The following TMPRSS9 variants were observed in gnomAD, a reference collection of about 807,000 sequenced individuals.
The protein encoded by TMPRSS9 is transmembrane serine protease 9, also known as transmembrane protease serine 9.
TMPRSS9 carries 113 observed loss-of-function variants against 111.4 expected under a neutral mutation model. The ratio of observed to expected loss-of-function variants is 1.01; its 90% CI spans 0.87 to 1.19. TMPRSS9 has a LOEUF of 1.19. TMPRSS9 is among the 50% of genes most tolerant of loss of function. The pLI is 0.00. For missense variants in TMPRSS9, 1,803 were observed against 1,513.1 expected, an observed-to-expected ratio of 1.19 and a Z score of -3.18; for synonymous variants, 805 against 659.1, an observed-to-expected ratio of 1.22 and a Z score of -3.39.
In TMPRSS9 at chr19:2,403,266, G is replaced by A. The variant is rs980987488; in HGVS notation, c.670+71G>A. 3.1e-6 allele frequency: 4 copies of A among 1,284,794 alleles called. No homozygotes were observed. In the Admixed American group the frequency reaches 5.9e-5, roughly 19 times the overall value. 79.6% of individuals were successfully genotyped at this position (1,284,794 alleles called of 1,614,324 possible). Reference sequence around the variant, plus strand: ...CAGGGTCAGCTGCTGGCTCTGGTCTGTGGTCACTGTGCTTATTTCACTGGG... The same window carrying A: ...CAGGGTCAGCTGCTGGCTCTGGTCTATGGTCACTGTGCTTATTTCACTGGG... On this transcript the variant is annotated intron_variant, in intron 6 of 17. Coordinates refer to ENST00000648592, the Ensembl canonical transcript of TMPRSS9.
chr19:2,416,632 C>A (rs981469877), exon 12 of TMPRSS9: 1 of 1,612,726 alleles, frequency 6.2e-7, no homozygotes, highest in African/African-American at 1.3e-5. Flanking sequence ...GCGGGTAGTG[C>A]TGCACCCCCT....
chr19:2,380,401 G>A (rs1970376974), intron 1 of TMPRSS9, among the ~76,000 whole-genome samples: 2 of 151,942 alleles, frequency 1.3e-5, no homozygotes, highest in South Asian at 4.2e-4. Context: ...TTCAAGACCA[G>A]CCTGGCCAAC....
intron 1 of TMPRSS9, among the ~76,000 whole-genome samples, chr19:2,364,406 G>A (rs183527683): frequency 6.6e-5 from 10 of 152,120 alleles, no homozygotes; most frequent in African/African-American, 2.4e-4. Context: ...ACTGCATAAG[G>A]CTTCCTTTGT....
chr19:2,419,482 G>A (rs1367641353), intron 13 of TMPRSS9, among the ~76,000 whole-genome samples: 4 of 149,626 alleles, frequency 2.7e-5, no homozygotes, highest in Non-Finnish European at 5.9e-5. Flanking sequence ...GATTACAGGC[G>A]TGAGCCACTG....
chr19:2,377,525 C>A (rs1159019937), intron 1 of TMPRSS9, among the ~76,000 whole-genome samples: 1 of 27,632 alleles, frequency 3.6e-5, no homozygotes, highest in Non-Finnish European at 6.1e-5. Flanking sequence ...CTCACCTTCC[C>A]TTCCCCTCTC....
At chr19:2,380,946 G>A (rs1692526879) in intron 1 of TMPRSS9, among the ~76,000 whole-genome samples, 1 of 152,076 alleles carries the variant, frequency 6.6e-6, no homozygotes, top group African/African-American at 2.4e-5. Flanking sequence ...TTCCGAACTT[G>A]AATAACTCAT....
chr19:2,389,932 G>A lies in TMPRSS9; in HGVS notation c.142+5G>A, dbSNP rs376847405. On this transcript the variant is annotated splice_donor_5th_base_variant and intron_variant, in intron 1 of 17. Coordinates refer to ENST00000648592, the Ensembl canonical transcript of TMPRSS9. Reference sequence around the variant, plus strand: ...TCACCCTGGGAGTCCTTTTGGGTAAGTGGCTATGGGATTGGCTGGGTTCGC... The same window carrying A: ...TCACCCTGGGAGTCCTTTTGGGTAAATGGCTATGGGATTGGCTGGGTTCGC... The A allele has an allele frequency of 3.2e-5, 52 of 1,602,606 alleles. 1 individual carries two copies. In the South Asian group the frequency reaches 5.3e-4, roughly 16 times the overall value.
chr19:2,415,420 G>A (rs978512374), intron 10 of TMPRSS9, among the ~76,000 whole-genome samples: 3 of 152,066 alleles, frequency 2.0e-5, no homozygotes, highest in Non-Finnish European at 4.4e-5. Context: ...GTTGCGGGGG[G>A]TCCTCGGGCT....
chr19:2,393,724 C>A (rs1970647738), intron 1 of TMPRSS9, among the ~76,000 whole-genome samples: 1 of 151,716 alleles, frequency 6.6e-6, no homozygotes, highest in African/African-American at 2.4e-5. Context: ...ATGGGTGAAA[C>A]CCTGTCTTTA....
intron 1 of TMPRSS9, among the ~76,000 whole-genome samples, chr19:2,365,880 C>T (rs1246541554): frequency 1.3e-5 from 2 of 152,130 alleles, no homozygotes; most frequent in African/African-American, 2.4e-5. Context: ...GGGAGGATTG[C>T]TTCAACCCAG....
Position 2,382,802 on chromosome 19 carries a change from C to G in TMPRSS9, c.-25-6959C>G, listed in dbSNP as rs150269251. On this transcript the variant is annotated intron_variant, in intron 1 of 17. Transcript: ENST00000649857. The stretch of plus-strand genomic sequence containing the variant: ...ACACAGATGCACACCCGCACACAGA[C>G]TCACACATGTACACACACACAGATT... Among the ~76,000 whole-genome samples, 116 of 152,220 alleles carry G rather than the reference C, an allele frequency of 7.6e-4. 1 individual carries two copies. The East Asian group carries it at 0.015, about 20-fold the overall frequency.
At chr19:2,408,680 A>C in intron 8 of TMPRSS9, 50 bp downstream of exon 9, 1 of 1,574,948 alleles carries the variant, frequency 6.3e-7, no homozygotes, top group Non-Finnish European at 8.6e-7. Flanking sequence ...CAGGCGGGCA[A>C]ATAACGCAGA....
intron 4 of TMPRSS9, 69 bp from the exon 6 acceptor site, chr19:2,401,906 C>T (rs1970856750): frequency 6.8e-7 from 1 of 1,473,190 alleles, no homozygotes; most frequent in South Asian, 1.2e-5. Context: ...CCGCGCCCGG[C>T]CAATAGGATG....
intron 1 of TMPRSS9, among the ~76,000 whole-genome samples, chr19:2,375,896 G>C (rs1970329931): frequency 1.3e-5 from 2 of 152,204 alleles, no homozygotes; most frequent in Admixed American, 1.3e-4. Flanking sequence ...ACTCCTGGAA[G>C]TCTCAGGATG....
chr19:2,395,977 C>G (rs1292755452), intron 1 of TMPRSS9, among the ~76,000 whole-genome samples: 1 of 152,236 alleles, frequency 6.6e-6, no homozygotes, highest in East Asian at 1.9e-4. Context: ...CACCGCACTC[C>G]AGCCTGGGCG....
At chr19:2,420,215 G>T (rs1029268037) in intron 13 of TMPRSS9, among the ~76,000 whole-genome samples, 1 of 152,128 alleles carries the variant, frequency 6.6e-6, no homozygotes, top group Non-Finnish European at 1.5e-5. Context: ...GAGGCAGGCA[G>T]ATCACCTGAG....
chr19:2,371,269 G>A (rs992663539), intron 1 of TMPRSS9, among the ~76,000 whole-genome samples: 5 of 152,164 alleles, frequency 3.3e-5, no homozygotes, highest in East Asian at 1.9e-4. Flanking sequence ...ACAGTCACTC[G>A]TGGCTCTGCT....
intron 1 of TMPRSS9, among the ~76,000 whole-genome samples, chr19:2,391,027 G>GAA (rs1187510991): frequency 1.1e-4 from 12 of 114,112 alleles, no homozygotes; most frequent in Non-Finnish European, 1.6e-4. Context: ...AAGAAAGAAA[G>GAA]AAAGAAAGGG....
At chr19:2,422,491 G>C (rs1465606050) in intron 14 of TMPRSS9, among the ~76,000 whole-genome samples, 1 of 152,242 alleles carries the variant, frequency 6.6e-6, no homozygotes, top group Non-Finnish European at 1.5e-5. Flanking sequence ...TAAGGCAGGA[G>C]AATGGCATGA....
Sources: gnomAD v4.1 joint callset for allele counts (sites outside exome capture counted in the v4.1 genomes callset) on GRCh38, gnomAD v4.1.1 for gene constraint, MANE v1.5 for transcripts, NCBI Gene and HGNC (gene_info 2026-07-23, HGNC 2026-07-21) for gene names.